SORBS3: variants seen among roughly 807,000 people sequenced by gnomAD.
The protein encoded by SORBS3 is sorbin and SH3 domain containing 3.
SORBS3 carries 69 observed loss-of-function variants against 98.0 expected under a neutral mutation model. The observed-to-expected ratio is 0.70, with a 90% confidence interval of 0.58 to 0.86. SORBS3 has a LOEUF of 0.86. Ranked by LOEUF, SORBS3 falls within the 40% of genes least tolerant of loss-of-function variation. The probability of loss-of-function intolerance (pLI) is 0.00; values close to 1 mark genes in which losing one functional copy is unlikely to be tolerated. For synonymous variants in SORBS3, 394 were observed against 355.4 expected (o/e 1.11, Z -1.22); for missense variants, 954 against 908.5 (o/e 1.05, Z -0.64).
chr8:22,567,322 T>G, intron 16 of SORBS3, 147 bp downstream of exon 16: 1 of 631,152 alleles, frequency 1.6e-6, no homozygotes, highest in Non-Finnish European at 2.8e-6. Context: ...CCCACAGGGC[T>G]TGGCCCAATG....
Position 22,571,152 on chromosome 8 carries a change from G to A in SORBS3, c.1674G>A (p.Leu558=), listed in dbSNP as rs1563839950. Residue 558 remains leucine, a synonymous_variant, in exon 18 of 21, where the codon TTG becomes TTA. Transcript: ENST00000240123. The stretch of plus-strand genomic sequence containing the variant: ...GCAGCCCAGCTGACCCCATCGACTT[G>A]GGGGGACAGACCTCCCCCCGTCGCA... ...ALRSPADPID[L]GGQTSPRRTG... 5.0e-6 allele frequency: 8 copies of A among 1,593,224 alleles called. No individual in the cohort carries two copies. Among genetic ancestry groups the A allele is most frequent in the Non-Finnish European group, 6.8e-6 (8 of 1,171,964 alleles).
chr8:22,574,945 T>G lies in SORBS3; in HGVS notation c.*217T>G. 1.5e-6 allele frequency: 1 copy of G among 674,558 alleles called. No homozygotes were observed. Among genetic ancestry groups the G allele is most frequent in the Non-Finnish European group, 2.7e-6 (1 of 367,682 alleles). 41.8% of individuals were successfully genotyped at this position (674,558 alleles called of 1,614,324 possible). On this transcript the variant is annotated 3_prime_UTR_variant, in exon 21 of 21. Coordinates refer to ENST00000240123, the MANE Select transcript of SORBS3 (RefSeq NM_005775.5). ...GGCATTCCTCCCACAGCCCTTTCAT[T>G]TCCTCCCCACCCCACTCCCCAAATA...
chr8:22,547,344 C>T (rs527966857), upstream of SORBS3, among the ~76,000 whole-genome samples: 1 of 150,078 alleles, frequency 6.7e-6, no homozygotes, highest in East Asian at 2.0e-4. Context: ...TTTTTTATCA[C>T]AACTTTCAGG....
rs375539049 is a variant in SORBS3 at position 22,554,921 on chromosome 8, C to T, written c.161C>T (p.Ala54Val). 2.5e-5 allele frequency: 41 copies of T among 1,613,616 alleles called. No individual in the cohort carries two copies. The highest frequency in any genetic ancestry group is 2.2e-4 in the Admixed American group (13 of 60,000). Residue 54 changes from alanine to valine, a missense_variant, in exon 3 of 21, where the codon GCG (alanine) becomes GTG (valine). By Grantham distance (64) the Ala-to-Val change is moderately conservative. Transcript: ENST00000240123. The surrounding 1 kb of genome is among the most constrained non-coding windows in gnomAD (Gnocchi z 6.5). ...NTLNFQFHDPAPRTVCNGGYT... is the reference protein window; with the variant it reads ...NTLNFQFHDPVPRTVCNGGYT... ...CTTAATTTCCAGTTCCACGACCCCG[C>T]GCCCAGGACTGTGTGCAATGGGGGC...
intron 3 of SORBS3, among the ~76,000 whole-genome samples, chr8:22,555,828 G>A (rs1235838838): frequency 6.6e-6 from 1 of 152,144 alleles, no homozygotes; most frequent in Admixed American, 6.5e-5. Context: ...TCCAGCCTGG[G>A]CAACAAGAGC....
chr8:22,564,904 G>T (rs375738470), intron 10 of SORBS3: 2 of 1,266,344 alleles, frequency 1.6e-6, no homozygotes, highest in South Asian at 1.8e-5. Context: ...GGTGGCGGGG[G>T]AACCTGGATG....
rs760536360 is a variant in SORBS3 at position 22,564,036 on chromosome 8, A to G, written c.634A>G (p.Arg212Gly). ...EELPRSTFNY[R>G]PGAFSTVLQP... is the part of the protein sequence containing the mutation. ...GTTACCTAGAAGCACCTTCAACTAC[A>G]GACCTGGAGCATTCTCCACTGTGCT... The change falls in exon 8 of 21, where the codon AGA becomes GGA. Residue 212 changes from arginine to glycine, a missense_variant. Physicochemically the swap from Arg to Gly is moderately radical, Grantham distance 125 (BLOSUM62 -2). Coordinates refer to ENST00000240123, the MANE Select transcript of SORBS3 (RefSeq NM_005775.5). The G allele has an allele frequency of 6.2e-7, 1 of 1,614,032 alleles. No individual in the cohort carries two copies. Among genetic ancestry groups the G allele is most frequent in the Non-Finnish European group, 8.5e-7 (1 of 1,180,032 alleles).
intron 10 of SORBS3, 72 bp from the exon 11 acceptor site, chr8:22,565,196 T>C (rs1840379780): frequency 6.7e-7 from 1 of 1,494,242 alleles, no homozygotes; most frequent in East Asian, 2.5e-5. Flanking sequence ...CTTTTCACAG[T>C]CGATCTTTGA....
At position 22,564,381 on chromosome 8, in the gene SORBS3, C is replaced by G; in HGVS notation, c.762+12C>G. 3 of 1,613,914 alleles carry G rather than the reference C, an allele frequency of 1.9e-6. No homozygotes were observed. The highest frequency in any genetic ancestry group is 2.5e-6 in the Non-Finnish European group (3 of 1,179,828). ...AGACTGGGCAGAGGGTGAGTGCTGG[C>G]TGGCTCTCGGGGTGTGCACGCACCC... On this transcript the variant is annotated intron_variant, in intron 9 of 20. Transcript: ENST00000240123.
rs1289041969 is a variant in SORBS3 at position 22,566,235 on chromosome 8, TG to T, written c.951-107del. ...AGAGCCCAGGACCCGGGAGACGCCC[TG>T]GGAGGAGGTGGCAGGGATGGGGGCG... On this transcript the variant is annotated intron_variant, in intron 12 of 20. Coordinates refer to ENST00000240123, the MANE Select transcript of SORBS3 (RefSeq NM_005775.5). 29 of 1,392,478 alleles carry T rather than the reference TG, an allele frequency of 2.1e-5. No individual in the cohort carries two copies. In the East Asian group the frequency reaches 6.5e-4, roughly 31 times the overall value. 86.3% of individuals were successfully genotyped at this position (1,392,478 alleles called of 1,614,324 possible).
intron 20 of SORBS3, 22 bp downstream of exon 20, chr8:22,572,468 G>T (rs780969052): frequency 4.5e-6 from 7 of 1,553,318 alleles, no homozygotes; most frequent in South Asian, 1.1e-5. Flanking sequence ...GGCCGGGAGG[G>T]GGCATCTCAG....
chr8:22,560,928 C>G (rs2449344), intron 5 of SORBS3: 1 of 178,806 alleles, frequency 5.6e-6, no homozygotes, highest in Non-Finnish European at 1.2e-5. Context: ...CCAGGAAGCC[C>G]CAGAAATTCC....
chr8:22,575,298 A>G lies in SORBS3; in HGVS notation c.*570A>G, dbSNP rs745861729. The G allele has an allele frequency of 2.6e-4, 64 of 248,030 alleles. No individual in the cohort carries two copies. Among genetic ancestry groups the G allele is most frequent in the Non-Finnish European group, 4.0e-4 (50 of 124,390 alleles). The allele number at this position is 248,030 out of a possible 1,614,324, so 15.4% of individuals were successfully genotyped here. A position where few individuals can be genotyped will look rare whatever the true frequency, so the allele number is the denominator to read the frequency against. On this transcript the variant is annotated 3_prime_UTR_variant, in exon 21 of 21. Transcript: ENST00000240123. ...AGGCCTGGCAAGAGCTCTGGCCCCA[A>G]GGCCTCCTCTTCCCAGGGGCTGCCA...
chr8:22,561,086 G>A (rs1001366092), intron 5 of SORBS3: 47 of 456,604 alleles, frequency 1.0e-4, no homozygotes, highest in Admixed American at 2.0e-4. Flanking sequence ...AGGGAGGGAG[G>A]AGCAGGAGGG....
At chr8:22,549,952 A>G (rs1250896383), upstream of SORBS3, 19 of 983,094 alleles carry the variant, frequency 1.9e-5, no homozygotes, top group Non-Finnish European at 2.2e-5. Context: ...GTGAGGGGGT[A>G]TGGCCAGGAT....
chr8:22,552,821 C>A (rs564964965), intron 1 of SORBS3, among the ~76,000 whole-genome samples: 1 of 152,210 alleles, frequency 6.6e-6, no homozygotes, highest in African/African-American at 2.4e-5. Flanking sequence ...TCAACTCCCC[C>A]CCGCAAGGGG....
chr8:22,563,534 A>C (rs1840339699), intron 7 of SORBS3, among the ~76,000 whole-genome samples: 2 of 152,136 alleles, frequency 1.3e-5, no homozygotes, highest in Non-Finnish European at 2.9e-5. Context: ...CAGCCACAGC[A>C]CCCAGAAAGA....
chr8:22,571,663 C>A, intron 18 of SORBS3, 55 bp from the exon 19 acceptor site: 1 of 1,368,776 alleles, frequency 7.3e-7, no homozygotes, highest in Non-Finnish European at 1.0e-6. Flanking sequence ...CTCAGGCTTA[C>A]ATGTACCCAT....
At position 22,564,309 on chromosome 8, in the gene SORBS3, C is replaced by T; in HGVS notation, c.702C>T (p.Asp234=). ...NQVLRRREKV[D]NVWTEESWNQ... ...TGCTCAGACGCCGGGAAAAAGTAGACAATGTCTGGACGGAAGAGTCCTGGA... is the reference window on the plus strand; with the variant it reads ...TGCTCAGACGCCGGGAAAAAGTAGATAATGTCTGGACGGAAGAGTCCTGGA... Residue 234 remains aspartate (D), a synonymous_variant, in exon 9 of 21, where the codon GAC becomes GAT. Coordinates refer to ENST00000240123, the MANE Select transcript of SORBS3 (RefSeq NM_005775.5). The T allele has an allele frequency of 1.9e-6, 3 of 1,611,572 alleles. No individual in the cohort carries two copies. Among genetic ancestry groups the T allele is most frequent in the Non-Finnish European group, 2.5e-6 (3 of 1,178,662 alleles).
Sources: allele counts gnomAD v4.1 joint callset (sites outside exome capture counted in the v4.1 genomes callset), GRCh38; gene constraint gnomAD v4.1.1; non-coding constraint Gnocchi (gnomAD v3.1); transcripts MANE v1.5; gene names NCBI Gene and HGNC (gene_info 2026-07-23, HGNC 2026-07-21).